The following MVP variants were observed in gnomAD, a reference collection of about 807,000 sequenced individuals.
The protein encoded by MVP is major vault protein, also known as lung resistance-related protein.
A neutral mutation model predicts 83.5 loss-of-function variants in MVP; 62 were observed. The ratio of observed to expected loss-of-function variants is 0.74; its 90% CI spans 0.61 to 0.92. The LOEUF is 0.92. Ranked by LOEUF, MVP falls within the 40% of genes least tolerant of loss-of-function variation. The pLI, the probability that MVP is intolerant of heterozygous loss-of-function variation, is 0.00. For synonymous variants in MVP, 505 were observed against 504.1 expected (o/e 1.00, Z -0.02); for missense variants, 1,000 against 1,203.4 (o/e 0.83, Z 2.50).
rs531673458 is a variant in MVP, at chr16:29,846,802, G to A, written c.2266-395G>A. Among the ~76,000 whole-genome samples, 482 of 152,162 alleles carry A rather than the reference G, an allele frequency of 3.2e-3. 3 individuals carry two copies. Among genetic ancestry groups the A allele is most frequent in the African/African-American group, 0.011 (445 of 41,500 alleles). ...TGAACCCAGGAGGTGTGGAGGCTGC[G>A]GTGAGCTGAGGTTGTGCCACTACAC... is the stretch of plus-strand genomic sequence containing the variant. On this transcript the variant is annotated intron_variant, in intron 13 of 14. Coordinates refer to ENST00000357402, the MANE Select transcript of MVP (RefSeq NM_005115.5).
chr16:29,842,890 G>A (rs774763900), intron 10 of MVP, among the ~76,000 whole-genome samples: 8 of 152,308 alleles, frequency 5.3e-5, no homozygotes, highest in Middle Eastern at 6.8e-3. Context: ...AGCCAAATGC[G>A]TAACTGTCGG....
In MVP at chr16:29,835,797, A is replaced by T; in HGVS notation, c.671A>T (p.Lys224Met). The T allele has an allele frequency of 1.2e-6, 2 of 1,613,416 alleles. No homozygotes were observed. The highest frequency in any genetic ancestry group is 1.7e-6 in the Non-Finnish European group (2 of 1,179,802). The change falls in exon 6 of 15, where the codon AAG (lysine) becomes ATG (methionine). Residue 224 changes from lysine (K) to methionine (M), a missense_variant and splice_region_variant. Lys to Met is a moderately conservative substitution (Grantham distance 95, BLOSUM62 -1). Coordinates refer to ENST00000357402, the MANE Select transcript of MVP (RefSeq NM_005115.5). ...GTGGACGCCGTCATCCTTACGGAAA[A>T]GGTTGGTGCTCTGGGGGCTGTGGTT... ...DLVDAVILTE[K>M]TALHLRARRN...
chr16:29,830,706 T>C, intron 2 of MVP, 32 bp downstream of exon 2: 1 of 1,610,552 alleles, frequency 6.2e-7, no homozygotes, highest in Non-Finnish European at 8.5e-7. Context: ...TGGGGGATCC[T>C]TGGGGATGTG....
In MVP at chr16:29,844,639, A is replaced by G; in HGVS notation, c.1781A>G (p.Asn594Ser). The G allele has an allele frequency of 6.2e-7, 1 of 1,614,042 alleles. No homozygotes were observed. The highest frequency in any genetic ancestry group is 8.5e-7 in the Non-Finnish European group (1 of 1,179,958). Residue 594 changes from asparagine (N) to serine (S), a missense_variant, in exon 11 of 15, where the codon AAC becomes AGC. Asn to Ser is a conservative substitution (Grantham distance 46). Coordinates refer to ENST00000357402, the MANE Select transcript of MVP (RefSeq NM_005115.5). ...ASVTFDDFHK[N>S]SARIIRTAVF... ...GTCACTTTCGATGACTTCCATAAGA[A>G]CTCAGCCCGCATCATTCGCACTGCT...
In MVP at chr16:29,841,453, G is replaced by A; in HGVS notation, c.1192-143G>A. 1.4e-5 allele frequency: 16 copies of A among 1,138,156 alleles called. No individual in the cohort carries two copies. The highest frequency in any genetic ancestry group is 3.4e-5 in the South Asian group (2 of 59,380). The allele number at this position is 1,138,156 out of a possible 1,614,324, so 70.5% of individuals were successfully genotyped here. On this transcript the variant is annotated intron_variant, in intron 8 of 14. Transcript: ENST00000357402. The surrounding 1 kb of genome is among the most constrained non-coding windows in gnomAD (Gnocchi z 4.7). ...GACAGGGCCAGCAGATGGCAAACCCGGGGTGGAGCCTGGCCTCCCCGTAGA... is the reference window on the plus strand; with the variant it reads ...GACAGGGCCAGCAGATGGCAAACCCAGGGTGGAGCCTGGCCTCCCCGTAGA...
In MVP at chr16:29,835,881, G is replaced by A. The variant is rs1189788713; in HGVS notation, c.672+83G>A. On this transcript the variant is annotated intron_variant, in intron 6 of 14. Transcript: ENST00000357402. ...GCAGAGAATGGTGGTAGAATGGCATGAGAGTAAAAGAGAAGCAATAATTTT... is the reference window on the plus strand; with the variant it reads ...GCAGAGAATGGTGGTAGAATGGCATAAGAGTAAAAGAGAAGCAATAATTTT... 18 of 1,082,366 alleles carry A rather than the reference G, an allele frequency of 1.7e-5. No individual in the cohort carries two copies. The South Asian group carries it at 1.9e-4, about 11-fold the overall frequency. 67.0% of individuals were successfully genotyped at this position (1,082,366 alleles called of 1,614,324 possible). A position where few individuals can be genotyped will look rare whatever the true frequency, so the allele number is the denominator to read the frequency against.
At chr16:29,845,674 C>G (rs550114785) in intron 11 of MVP, among the ~76,000 whole-genome samples, 189 bp from the exon 12 acceptor site, 2 of 152,322 alleles carry the variant, frequency 1.3e-5, no homozygotes, top group African/African-American at 4.8e-5. Context: ...GTCACGCCTG[C>G]ATTTGTCCGG....
Position 29,833,954 on chromosome 16 carries a change from G to A in MVP, c.465G>A (p.Lys155=). 3 of 1,614,166 alleles carry A rather than the reference G, an allele frequency of 1.9e-6. No individual in the cohort carries two copies. Among genetic ancestry groups the A allele is most frequent in the Non-Finnish European group, 2.5e-6 (3 of 1,180,018 alleles). ...CCCCAGGCACGTACATCCCCCGGAA[G>A]GAAGTGGAGGTCGTGGAGATCATTC... ...FEGPGTYIPR[K]EVEVVEIIQA... is the part of the protein sequence containing the mutation. The change falls in exon 5 of 15, where the codon AAG becomes AAA. Residue 155 remains lysine (K), a synonymous_variant. Transcript: ENST00000357402.
At position 29,844,509 on chromosome 16, in the gene MVP, G is replaced by A. The variant is rs773849272; in HGVS notation, c.1651G>A (p.Asp551Asn). Residue 551 changes from aspartate to asparagine, a missense_variant, in exon 11 of 15, where the codon GAC (aspartate) becomes AAC (asparagine). Physicochemically the swap from Asp to Asn is conservative, Grantham distance 23 (BLOSUM62 1). Coordinates refer to ENST00000357402, the MANE Select transcript of MVP (RefSeq NM_005115.5). ...TGTTCACAGGCACTTTGAGGTGAAT[G>A]ACCGGAAGGACCCCCAAGAGACGGC... is the stretch of plus-strand genomic sequence containing the variant. ...LAYNWHFEVN[D>N]RKDPQETAKL... The A allele has an allele frequency of 6.5e-7, 1 of 1,541,310 alleles. No homozygotes were observed. The highest frequency in any genetic ancestry group is 1.4e-5 in the African/African-American group (1 of 72,470).
At chr16:29,842,426 C>T (rs1342736139) in intron 10 of MVP, among the ~76,000 whole-genome samples, 1 of 152,124 alleles carries the variant, frequency 6.6e-6, no homozygotes, top group African/African-American at 2.4e-5. Context: ...CTGCCTCAAC[C>T]TCCCAAGTGG....
chr16:29,842,122 G>C lies in MVP; in HGVS notation c.1634+10G>C, dbSNP rs1369426838. The C allele has an allele frequency of 1.3e-6, 2 of 1,590,056 alleles. No individual in the cohort carries two copies. The highest frequency in any genetic ancestry group is 1.7e-6 in the Non-Finnish European group (2 of 1,174,014). ...AGCTGGCCTACAACTGGTAAAAATG[G>C]GGACAGGGCATGGGGGTGCATTCCT... On this transcript the variant is annotated intron_variant, in intron 10 of 14. Coordinates refer to ENST00000357402, the MANE Select transcript of MVP (RefSeq NM_005115.5).
Position 29,841,522 on chromosome 16 carries a change from G to T in MVP, c.1192-74G>T. 6.6e-7 allele frequency: 1 copy of T among 1,508,660 alleles called. No individual in the cohort carries two copies. The highest frequency in any genetic ancestry group is 8.9e-7 in the Non-Finnish European group (1 of 1,129,736). 93.5% of individuals were successfully genotyped at this position (1,508,660 alleles called of 1,614,324 possible). The stretch of plus-strand genomic sequence containing the variant: ...GGCGCGCCTTCCCTGGATGGGCTCT[G>T]CTTTGGGACAGCTGGGCGGATCTTC... On this transcript the variant is annotated intron_variant, in intron 8 of 14. Coordinates refer to ENST00000357402, the MANE Select transcript of MVP (RefSeq NM_005115.5). The surrounding 1 kb of genome is among the most constrained non-coding windows in gnomAD (Gnocchi z 4.7).
In MVP at chr16:29,844,940, G is replaced by A. The variant is rs1437644103; in HGVS notation, c.2021+61G>A. The A allele has an allele frequency of 3.3e-6, 5 of 1,537,114 alleles. 1 individual carries two copies. The highest frequency in any genetic ancestry group is 4.4e-6 in the Non-Finnish European group (5 of 1,148,032). ...CCATGGCAGGCCACTGCTGGGAACT[G>A]GATAACCTGGCATCCCTTGTGGACT... is the stretch of plus-strand genomic sequence containing the variant. On this transcript the variant is annotated intron_variant, in intron 11 of 14. Transcript: ENST00000357402.
At chr16:29,824,230 A>C (rs76543558) in intron 1 of MVP, among the ~76,000 whole-genome samples, 76 of 149,404 alleles carry the variant, frequency 5.1e-4, no homozygotes, top group African/African-American at 1.2e-3. Flanking sequence ...AAAAAAAAAA[A>C]AAAAAAAAAA....
intron 8 of MVP, among the ~76,000 whole-genome samples, chr16:29,840,761 G>C (rs552099926): frequency 6.6e-6 from 1 of 152,212 alleles, no homozygotes; most frequent in South Asian, 2.1e-4. Context: ...GGCCAACATG[G>C]GAAACCCTGT....
chr16:29,830,814 G>C, intron 2 of MVP, 64 bp from the exon 3 acceptor site: 2 of 1,578,392 alleles, frequency 1.3e-6, no homozygotes, highest in South Asian at 2.3e-5. Flanking sequence ...TCTCTCATTT[G>C]GTGTCCTCTT....
chr16:29,842,263 C>A lies in MVP; in HGVS notation c.1634+151C>A. The stretch of plus-strand genomic sequence containing the variant: ...TCCAGCCTGGGTGACAGAGCAAGAC[C>A]CTGTTTCTTTGTTTTTTGTTTTTTT... On this transcript the variant is annotated intron_variant, in intron 10 of 14. Transcript: ENST00000357402. The A allele has an allele frequency of 4.8e-6, 4 of 840,956 alleles. No homozygotes were observed. In the Admixed American group the frequency reaches 1.2e-4, roughly 25 times the overall value. The allele number at this position is 840,956 out of a possible 1,614,324, so 52.1% of individuals were successfully genotyped here.
rs1401627524 is a variant in MVP, at chr16:29,841,866, G to C, written c.1436+26G>C. The C allele has an allele frequency of 1.2e-6, 2 of 1,609,400 alleles. No homozygotes were observed. The highest frequency in any genetic ancestry group is 1.7e-4 in the Middle Eastern group (1 of 6,060). On this transcript the variant is annotated intron_variant, in intron 9 of 14. Coordinates refer to ENST00000357402, the MANE Select transcript of MVP (RefSeq NM_005115.5). This position sits in a 1 kb window ranked among gnomAD's most constrained non-coding sequence, Gnocchi z 4.7. ...GTGAGTGCTGGCAGCGCAGGGTGTA[G>C]GGGGTGGCTCTCCATGGGTCTGGCT...
At chr16:29,838,494 T>C (rs1410784638) in intron 7 of MVP, among the ~76,000 whole-genome samples, 2 of 151,412 alleles carry the variant, frequency 1.3e-5, no homozygotes, top group African/African-American at 2.4e-5. Context: ...GATAAAAAAT[T>C]GTAGCATATC....
Sources: allele counts gnomAD v4.1 joint callset (sites outside exome capture counted in the v4.1 genomes callset), GRCh38; gene constraint gnomAD v4.1.1; non-coding constraint Gnocchi (gnomAD v3.1); transcripts MANE v1.5; gene names NCBI Gene and HGNC (gene_info 2026-07-23, HGNC 2026-07-21).